The following MORC1 variants were observed in gnomAD, a reference collection of about 807,000 sequenced individuals.
The protein encoded by MORC1 is MORC family CW-type zinc finger protein 1.
MORC1 carries 59 observed loss-of-function variants against 134.9 expected under a neutral mutation model. That is an observed-to-expected ratio of 0.44 (90% CI 0.35 to 0.54). The LOEUF is 0.54. Among genes scored for constraint, MORC1 ranks in the 20% least tolerant of loss-of-function variants. MORC1 has a pLI of 0.00. For synonymous variants in MORC1, 395 were observed against 391.7 expected (o/e 1.01, Z -0.10); for missense variants, 947 against 1,134.5 (o/e 0.83, Z 2.37).
intron 12 of MORC1, among the ~76,000 whole-genome samples, chr3:109,059,267 A>T (rs1247694942): frequency 6.6e-6 from 1 of 152,160 alleles, no homozygotes; most frequent in Admixed American, 6.5e-5. Flanking sequence ...CTTCTTCAGC[A>T]TTTGAGTTGG....
At chr3:109,074,291 T>G (rs925176929) in intron 8 of MORC1, among the ~76,000 whole-genome samples, 1 of 152,188 alleles carries the variant, frequency 6.6e-6, no homozygotes, top group African/African-American at 2.4e-5. Context: ...ATGGCATGCC[T>G]TTTTTACTAG....
chr3:108,969,561 T>C, intron 26 of MORC1, 108 bp downstream of exon 26: 1 of 1,120,674 alleles, frequency 8.9e-7, no homozygotes, highest in Non-Finnish European at 1.3e-6. Context: ...GATAAGTGAA[T>C]GCAAATTTGA....
chr3:108,975,006 T>A (rs1947509803), intron 24 of MORC1, among the ~76,000 whole-genome samples: 1 of 152,236 alleles, frequency 6.6e-6, no homozygotes, highest in South Asian at 2.1e-4. Flanking sequence ...AAGGGCCATT[T>A]CCATTTCACT....
chr3:109,000,411 CTT>C, intron 21 of MORC1, 144 bp downstream of exon 21: 1 of 587,590 alleles, frequency 1.7e-6, no homozygotes, highest in Admixed American at 3.6e-5. Flanking sequence ...GAGCAAGTAA[CTT>C]AAACTTTTCT....
intron 8 of MORC1, among the ~76,000 whole-genome samples, chr3:109,072,770 G>T (rs1950344706): frequency 6.6e-6 from 1 of 152,118 alleles, no homozygotes; most frequent in African/African-American, 2.4e-5. Context: ...CTGTTTCCAT[G>T]TATTCTTCAA....
intron 26 of MORC1, among the ~76,000 whole-genome samples, chr3:108,966,235 G>A (rs1947217568): frequency 6.6e-6 from 1 of 152,150 alleles, no homozygotes; most frequent in Non-Finnish European, 1.5e-5. Context: ...ATTCAGAATG[G>A]AATTAGGATT....
intron 23 of MORC1, among the ~76,000 whole-genome samples, chr3:108,980,852 AG>A (rs1264003816): frequency 6.6e-6 from 1 of 152,186 alleles, no homozygotes; most frequent in Non-Finnish European, 1.5e-5. Context: ...GGCTGGAGTG[AG>A]CAGGAAGCAG....
chr3:109,010,335 C>G (rs1948654284), intron 17 of MORC1, among the ~76,000 whole-genome samples: 1 of 152,100 alleles, frequency 6.6e-6, no homozygotes, highest in South Asian at 2.1e-4. Flanking sequence ...TGTTTAAGTT[C>G]TGCAAATTAT....
At chr3:108,999,730 C>T (rs768039296) in intron 21 of MORC1, among the ~76,000 whole-genome samples, 2 of 151,958 alleles carry the variant, frequency 1.3e-5, no homozygotes, top group Non-Finnish European at 2.9e-5. Context: ...TACTCTTACG[C>T]GGGTTAAAGT....
chr3:109,025,004 A>T (rs1218307370), intron 17 of MORC1, among the ~76,000 whole-genome samples: 1 of 152,200 alleles, frequency 6.6e-6, no homozygotes, highest in Middle Eastern at 3.2e-3. Context: ...ATATCACCAA[A>T]ACATAGTTTC....
At chr3:109,058,168 T>C (rs1950002387) in intron 12 of MORC1, among the ~76,000 whole-genome samples, 1 of 152,170 alleles carries the variant, frequency 6.6e-6, no homozygotes, top group Non-Finnish European at 1.5e-5. Flanking sequence ...TGCTGGAAGC[T>C]ATGAAAATGC....
chr3:109,078,477 AT>A (rs1950463218), intron 8 of MORC1, among the ~76,000 whole-genome samples: 1 of 152,034 alleles, frequency 6.6e-6, no homozygotes, highest in African/African-American at 2.4e-5. Context: ...TCAAAATAAA[AT>A]TATAAGCTAT....
intron 5 of MORC1, among the ~76,000 whole-genome samples, 198 bp downstream of exon 5, chr3:109,100,219 G>A (rs557865553): frequency 4.2e-4 from 64 of 152,154 alleles, no homozygotes; most frequent in African/African-American, 1.5e-3. Context: ...CTCCAGCCAG[G>A]GTGACAGAGT....
At chr3:109,023,702 C>T (rs562711740) in intron 17 of MORC1, among the ~76,000 whole-genome samples, 11 of 152,184 alleles carry the variant, frequency 7.2e-5, no homozygotes, top group South Asian at 2.1e-4. Flanking sequence ...AATTTGAGAA[C>T]GGAGAGGTCC....
At chr3:109,010,612 A>G (rs1407019036) in intron 17 of MORC1, among the ~76,000 whole-genome samples, 2 of 152,192 alleles carry the variant, frequency 1.3e-5, no homozygotes, top group African/African-American at 2.4e-5. Context: ...AATAATCAAG[A>G]TAATTAACAT....
intron 19 of MORC1, 44 bp from the exon 20 acceptor site, chr3:109,004,932 C>A (rs767018631): frequency 6.8e-5 from 108 of 1,594,662 alleles, no homozygotes; most frequent in Non-Finnish European, 8.0e-5. Flanking sequence ...GAAATTGGGA[C>A]CTTGTCCAGG....
intron 17 of MORC1, among the ~76,000 whole-genome samples, chr3:109,021,876 A>G (rs1948966280): frequency 6.6e-6 from 1 of 152,220 alleles, no homozygotes; most frequent in Admixed American, 6.5e-5. Flanking sequence ...CAGGTGTGGT[A>G]GTAGGAGGTA....
chr3:109,010,161 C>T (rs1948650064), intron 17 of MORC1, among the ~76,000 whole-genome samples: 1 of 151,800 alleles, frequency 6.6e-6, no homozygotes, highest in Non-Finnish European at 1.5e-5. Context: ...CTCTCTTTAC[C>T]ATCTACAAAT....
At chr3:109,104,586 G>A (rs1297446664) in intron 3 of MORC1, among the ~76,000 whole-genome samples, 2 of 152,262 alleles carry the variant, frequency 1.3e-5, no homozygotes, top group South Asian at 4.1e-4. Context: ...AGAACTTTGG[G>A]AGGCTAAGGC....
Sources: allele counts gnomAD v4.1 joint callset (sites outside exome capture counted in the v4.1 genomes callset), GRCh38; gene constraint gnomAD v4.1.1; transcripts MANE v1.5; gene names NCBI Gene and HGNC (gene_info 2026-07-23, HGNC 2026-07-21).